Variants in ZFR observed in about 807,000 individuals in gnomAD.
ZFR encodes zinc finger RNA-binding protein.
In ZFR, 19 loss-of-function variants were observed where a neutral mutation model predicts 130.7. The ratio of observed to expected loss-of-function variants is 0.15; its 90% CI spans 0.10 to 0.21. The LOEUF (loss-of-function observed/expected upper bound fraction) is 0.21, where lower values mean the gene tolerates loss of function less well. Among genes scored for constraint, ZFR ranks in the 10% least tolerant of loss-of-function variants. The probability of loss-of-function intolerance (pLI) is 1.00; values close to 1 mark genes in which losing one functional copy is unlikely to be tolerated. For synonymous variants in ZFR, 466 were observed against 456.9 expected (o/e 1.02, Z -0.25); for missense variants, 872 against 1,321.5 (o/e 0.66, Z 5.27).
intron 5 of ZFR, among the ~76,000 whole-genome samples, chr5:32,409,616 G>C (rs745758022): frequency 6.6e-6 from 1 of 151,896 alleles, no homozygotes; most frequent in Non-Finnish European, 1.5e-5. Flanking sequence ...ATGGTGGCCA[G>C]GGTGGTCTGA....
At position 32,403,126 on chromosome 5, in the gene ZFR, G is replaced by A; in HGVS notation, c.1496C>T (p.Thr499Ile). 1 of 1,614,000 alleles carries A rather than the reference G, an allele frequency of 6.2e-7. No homozygotes were observed. The highest frequency in any genetic ancestry group is 1.1e-5 in the South Asian group (1 of 91,074). Residue 499 changes from threonine to isoleucine, a missense_variant, in exon 8 of 20, where the codon ACC becomes ATC. Thr to Ile is a moderately conservative substitution (Grantham distance 89). Transcript: ENST00000265069. ...CTTGCCAACAAAATTTATTTTGGGGGTAGATGTTTTCTTGGCAGCCATATT... is the reference window on the plus strand; with the variant it reads ...CTTGCCAACAAAATTTATTTTGGGGATAGATGTTTTCTTGGCAGCCATATT... ...PTNMAAKKTSTPKINFVGGNK... is the reference protein window; with the variant it reads ...PTNMAAKKTSIPKINFVGGNK...
intron 2 of ZFR, among the ~76,000 whole-genome samples, chr5:32,436,006 C>G (rs1259048538): frequency 2.6e-5 from 4 of 152,142 alleles, no homozygotes; most frequent in Admixed American, 6.5e-5. Flanking sequence ...AATCCCTAAT[C>G]CAGCAACTCT....
chr5:32,429,853 G>C (rs1226630364), intron 2 of ZFR, among the ~76,000 whole-genome samples: 1 of 152,062 alleles, frequency 6.6e-6, no homozygotes, highest in African/African-American at 2.4e-5. Flanking sequence ...AGAATCACTT[G>C]AGGCTAGGAG....
At chr5:32,368,043 A>T (rs895960877) in intron 17 of ZFR, among the ~76,000 whole-genome samples, 2 of 151,986 alleles carry the variant, frequency 1.3e-5, no homozygotes, top group African/African-American at 4.8e-5. Flanking sequence ...TCTTTCATCA[A>T]TGGGTGATCC....
Position 32,355,718 on chromosome 5 carries a change from T to C in ZFR, c.*42A>G. The C allele has an allele frequency of 4.7e-6, 7 of 1,497,004 alleles. No individual in the cohort carries two copies. The highest frequency in any genetic ancestry group is 6.3e-6 in the Non-Finnish European group (7 of 1,117,836). 92.7% of individuals were successfully genotyped at this position (1,497,004 alleles called of 1,614,324 possible). Reference sequence around the variant, plus strand: ...TTATGAATGAAAAACAGCCAACAAATGGGCATCTGTTTTTTTAACACTGAA... The same window carrying C: ...TTATGAATGAAAAACAGCCAACAAACGGGCATCTGTTTTTTTAACACTGAA... On this transcript the variant is annotated 3_prime_UTR_variant, in exon 20 of 20. Coordinates refer to ENST00000265069, the MANE Select transcript of ZFR (RefSeq NM_016107.5).
At chr5:32,400,255 A>G in intron 8 of ZFR, 52 bp from the exon 9 acceptor site, 1 of 1,320,406 alleles carries the variant, frequency 7.6e-7, no homozygotes, top group Non-Finnish European at 9.9e-7. Flanking sequence ...ATAAATATAT[A>G]TACCTGATAA....
At chr5:32,424,123 G>GTA (rs1221927166) in intron 2 of ZFR, among the ~76,000 whole-genome samples, 1 of 152,188 alleles carries the variant, frequency 6.6e-6, no homozygotes, top group Non-Finnish European at 1.5e-5. Flanking sequence ...AGAGAAGTGA[G>GTA]TATAGATTGG....
chr5:32,444,445 G>C, intron 1 of ZFR, 117 bp from the exon 2 acceptor site: 1 of 1,301,670 alleles, frequency 7.7e-7, no homozygotes, highest in Non-Finnish European at 1.0e-6. Context: ...GCCCTGGCGG[G>C]GCCCAGGCCG....
At chr5:32,416,655 T>TA (rs1355050031) in intron 4 of ZFR, among the ~76,000 whole-genome samples, 8 of 149,718 alleles carry the variant, frequency 5.3e-5, no homozygotes, top group African/African-American at 2.0e-4. Context: ...AATAGTCAGA[T>TA]AGTCACTATA....
At chr5:32,368,330 G>A (rs1445019730) in intron 17 of ZFR, among the ~76,000 whole-genome samples, 1 of 152,204 alleles carries the variant, frequency 6.6e-6, no homozygotes, top group Non-Finnish European at 1.5e-5. Flanking sequence ...CCACCTCCCA[G>A]GTTCAAGCGG....
chr5:32,426,344 T>A (rs1754071851), intron 2 of ZFR, among the ~76,000 whole-genome samples: 1 of 151,414 alleles, frequency 6.6e-6, no homozygotes, highest in Admixed American at 6.6e-5. Flanking sequence ...ACCCAAGCGA[T>A]CATCTCAATA....
chr5:32,391,883 AC>A (rs1333031153), intron 11 of ZFR, among the ~76,000 whole-genome samples: 1 of 151,898 alleles, frequency 6.6e-6, no homozygotes, highest in Non-Finnish European at 1.5e-5. Context: ...ACAGGTGTGC[AC>A]CACCACGCCC....
chr5:32,407,888 T>C (rs1358369161), intron 5 of ZFR, among the ~76,000 whole-genome samples: 1 of 152,184 alleles, frequency 6.6e-6, no homozygotes, highest in Non-Finnish European at 1.5e-5. Flanking sequence ...GAGACGGGGT[T>C]TCGCCACGTT....
intron 2 of ZFR, among the ~76,000 whole-genome samples, chr5:32,435,628 T>C (rs945577038): frequency 3.9e-4 from 60 of 152,332 alleles, no homozygotes; most frequent in African/African-American, 1.4e-3. Flanking sequence ...ACATGGTTAT[T>C]GTTTAAACAG....
chr5:32,424,861 T>C (rs1754038121), intron 2 of ZFR, among the ~76,000 whole-genome samples: 1 of 152,216 alleles, frequency 6.6e-6, no homozygotes, highest in South Asian at 2.1e-4. Flanking sequence ...GAATATAATG[T>C]AAACGTTATC....
chr5:32,389,760 A>G (rs1362154732), intron 12 of ZFR, among the ~76,000 whole-genome samples: 2 of 152,242 alleles, frequency 1.3e-5, no homozygotes, highest in Non-Finnish European at 2.9e-5. Context: ...GAAAATAAGA[A>G]AGATTCCCAG....
rs1163785933 is a variant in ZFR, at chr5:32,403,280, T to C, written c.1342A>G (p.Ser448Gly). 2 of 1,614,202 alleles carry C rather than the reference T, an allele frequency of 1.2e-6. No homozygotes were observed. The highest frequency in any genetic ancestry group is 1.7e-6 in the Non-Finnish European group (2 of 1,180,036). Residue 448 changes from serine (S) to glycine (G), a missense_variant, in exon 8 of 20, where the codon AGC becomes GGC. By Grantham distance (56) the Ser-to-Gly change is moderately conservative. Around this residue, in one of 7 missense-constraint regions of ZFR, gnomAD observed 143 missense variants for 137.9 expected, o/e 1.04. Coordinates refer to ENST00000265069, the MANE Select transcript of ZFR (RefSeq NM_016107.5). ...ACAGTACAATTGTTTGCTGCAATGC[T>C]TGAAGGAGAGGCAGTCGGCTTTGAA... is the stretch of plus-strand genomic sequence containing the variant. ...SASKPTASPS[S>G]IAANNCTVNT... is the part of the protein sequence containing the mutation.
At chr5:32,411,360 G>A (rs1354195779) in intron 5 of ZFR, among the ~76,000 whole-genome samples, 1 of 152,086 alleles carries the variant, frequency 6.6e-6, no homozygotes, top group Non-Finnish European at 1.5e-5. Context: ...TGTATCCATC[G>A]GTTCAGCAAC....
intron 2 of ZFR, among the ~76,000 whole-genome samples, chr5:32,437,875 A>G (rs1222211485): frequency 6.6e-6 from 1 of 152,174 alleles, no homozygotes; most frequent in African/African-American, 2.4e-5. Flanking sequence ...ATCTGATATT[A>G]CAAGTCCTTC....
Sources: allele counts gnomAD v4.1 joint callset (sites outside exome capture counted in the v4.1 genomes callset), GRCh38; gene constraint gnomAD v4.1.1; regional missense constraint gnomAD v4.1.1; transcripts MANE v1.5; gene names NCBI Gene and HGNC (gene_info 2026-07-23, HGNC 2026-07-21).